Variants in ETFB observed in about 807,000 individuals in gnomAD.
The protein encoded by ETFB is beta-ETF.
ETFB carries 20 observed loss-of-function variants against 25.6 expected under a neutral mutation model. The observed-to-expected ratio is 0.78, with a 90% CI of 0.55 to 1.14. The LOEUF (loss-of-function observed/expected upper bound fraction) is 1.14. Ranked by LOEUF, ETFB falls within the 50% of genes most tolerant of loss-of-function variation. The pLI is 0.00. For missense variants in ETFB, 286 were observed against 342.6 expected (o/e 0.83, Z 1.30); for synonymous variants, 142 against 146.7 (o/e 0.97, Z 0.23).
intron 4 of ETFB, 111 bp from the exon 5 acceptor site, chr19:51,347,169 G>T (rs1164327316): frequency 4.5e-6 from 5 of 1,116,362 alleles, no homozygotes; most frequent in Non-Finnish European, 5.3e-6. Flanking sequence ...ATGAATGAGG[G>T]AGCGAACAAT....
At chr19:51,353,044 G>A in intron 3 of ETFB, 88 bp downstream of exon 3, 2 of 1,541,690 alleles carry the variant, frequency 1.3e-6, no homozygotes, top group Non-Finnish European at 1.8e-6. Context: ...CCTGGGCCTG[G>A]CCAGCTGCTG....
intron 4 of ETFB, 31 bp from the exon 5 acceptor site, chr19:51,347,089 G>C: frequency 6.2e-7 from 1 of 1,613,040 alleles, no homozygotes; most frequent in Non-Finnish European, 8.5e-7. Flanking sequence ...AGGAGAGTGG[G>C]TGAGGCTAAT....
intron 3 of ETFB, among the ~76,000 whole-genome samples, chr19:51,351,666 G>A (rs759185314): frequency 2.0e-5 from 3 of 152,152 alleles, no homozygotes; most frequent in East Asian, 3.9e-4. Flanking sequence ...TAGGCCCTTC[G>A]GCCACAGTTG....
chr19:51,360,317 A>G (rs11084070), intron 1 of ETFB, among the ~76,000 whole-genome samples: 44,572 of 151,030 alleles, frequency 0.3, 6,872 homozygotes, highest in South Asian at 0.45. Context: ...GAGGAGAATC[A>G]CTTGAACCCG....
chr19:51,354,336 G>A (rs1986019929), intron 1 of ETFB, 28 bp from the exon 2 acceptor site: 6 of 1,614,082 alleles, frequency 3.7e-6, no homozygotes, highest in East Asian at 4.5e-5. Context: ...AAGGGGTGGG[G>A]TCAGGAGGAA....
At chr19:51,364,020 T>C (rs1309622782) in intron 1 of ETFB, among the ~76,000 whole-genome samples, 1 of 152,108 alleles carries the variant, frequency 6.6e-6, no homozygotes, top group Non-Finnish European at 1.5e-5. Flanking sequence ...GACTCTGTCC[T>C]GAGGGTGCTG....
chr19:51,347,521 G>A (rs1380099749), intron 4 of ETFB: 3 of 197,998 alleles, frequency 1.5e-5, no homozygotes, highest in Admixed American at 5.3e-5. Flanking sequence ...ACGGCCCCCC[G>A]TGAGGCCCCT....
chr19:51,347,156 T>G, intron 4 of ETFB, 98 bp from the exon 5 acceptor site: 1 of 1,230,694 alleles, frequency 8.1e-7, no homozygotes, highest in Non-Finnish European at 1.2e-6. Context: ...CATGGACTAG[T>G]GAATGAATGA....
rs748162444 is a variant in ETFB at position 51,346,921 on chromosome 19, G to A, written c.576C>T (p.Tyr192=). ...TADLRLNEPR[Y]ATLPNIMKAK... is the part of the protein sequence containing the mutation. ...TCACCATGATGTTGGGCAGCGTGGC[G>A]TAGCGGGGCTCGTTGAGCCTCAGGT... Residue 192 remains tyrosine (Y), a synonymous_variant, in exon 5 of 6, where the codon TAC becomes TAT. Transcript: ENST00000309244. 62 of 1,562,872 alleles carry A rather than the reference G, an allele frequency of 4.0e-5. No individual in the cohort carries two copies. The highest frequency in any genetic ancestry group is 4.6e-5 in the Non-Finnish European group (53 of 1,153,566).
rs111454736 is a variant in ETFB, at chr19:51,366,384, G to A, written c.-58C>T. 0.025 allele frequency: 38,916 copies of A among 1,526,600 alleles called. 585 individuals are homozygous for A. Among genetic ancestry groups the A allele is most frequent in the Non-Finnish European group, 0.03 (33,314 of 1,120,456 alleles). 94.6% of individuals were successfully genotyped at this position (1,526,600 alleles called of 1,614,324 possible). A position where few individuals can be genotyped will look rare whatever the true frequency, so the allele number is the denominator to read the frequency against. Reference sequence around the variant, plus strand: ...GCACCCTCAGCGGCTCAGTCCAGAAGCCCCACCACCCCCGCCCCCCGCGCC... The same window carrying A: ...GCACCCTCAGCGGCTCAGTCCAGAAACCCCACCACCCCCGCCCCCCGCGCC... On this transcript the variant is annotated 5_prime_UTR_variant, in exon 1 of 6. Transcript: ENST00000309244.
intron 1 of ETFB, chr19:51,361,616 C>T (rs1986229229): frequency 6.6e-6 from 1 of 151,770 alleles, no homozygotes; most frequent in South Asian, 2.1e-4. Context: ...GTTTTCTGGG[C>T]CTGGAGTTTC....
rs755291156 is a variant in ETFB, at chr19:51,347,078, G to C, written c.439-20C>G. The C allele has an allele frequency of 3.7e-6, 6 of 1,613,650 alleles. No homozygotes were observed. In the Admixed American group the frequency reaches 1.0e-4, roughly 27 times the overall value. On this transcript the variant is annotated intron_variant, in intron 4 of 5. Transcript: ENST00000309244. ...TGTGCCCTGGGGAGGGACAGTGTAG[G>C]AGGAGAGTGGGTGAGGCTAATTCAG...
rs1425665003 is a variant in ETFB at position 51,350,341 on chromosome 19, A to G, written c.426T>C (p.Leu142=). Residue 142 remains leucine (L), a synonymous_variant, in exon 4 of 6, where the codon CTT becomes CTC. Coordinates refer to ENST00000309244, the MANE Select transcript of ETFB (RefSeq NM_001985.3). ...ACTCCAGTCTCACCTGTGGCCAGTCAAGAAATCCAGCTGTCATCTGCCCTG... is the reference window on the plus strand; with the variant it reads ...ACTCCAGTCTCACCTGTGGCCAGTCGAGAAATCCAGCTGTCATCTGCCCTG... The part of the protein sequence containing the change: ...NQTGQMTAGF[L]DWPQGTFASQ... 3.1e-6 allele frequency: 5 copies of G among 1,610,940 alleles called. No individual in the cohort carries two copies. The highest frequency in any genetic ancestry group is 4.2e-6 in the Non-Finnish European group (5 of 1,178,746).
chr19:51,345,430 C>T lies in ETFB; in HGVS notation c.598-49G>A, dbSNP rs781060040. The T allele has an allele frequency of 6.3e-6, 10 of 1,586,206 alleles. No homozygotes were observed. The Admixed American group carries it at 1.7e-4, about 27-fold the overall frequency. Reference sequence around the variant, plus strand: ...ACAGGGCTGTGGAACTCCTGCCACCCTTCCTGCCACCTCCTTCCCATGGGT... The same window carrying T: ...ACAGGGCTGTGGAACTCCTGCCACCTTTCCTGCCACCTCCTTCCCATGGGT... On this transcript the variant is annotated intron_variant, in intron 5 of 5. Transcript: ENST00000309244.
intron 1 of ETFB, chr19:51,354,661 A>G: frequency 6.2e-7 from 1 of 1,609,028 alleles, no homozygotes; most frequent in Non-Finnish European, 8.5e-7. Flanking sequence ...CCAAGTGTAT[A>G]TAAATACATA....
intron 3 of ETFB, among the ~76,000 whole-genome samples, chr19:51,351,795 C>T (rs752664593): frequency 3.3e-5 from 5 of 152,120 alleles, no homozygotes; most frequent in Non-Finnish European, 7.4e-5. Flanking sequence ...CCTCTTTGTC[C>T]CAGAACTGAC....
intron 1 of ETFB, 171 bp from the exon 2 acceptor site, chr19:51,354,479 G>A: frequency 6.2e-7 from 1 of 1,614,110 alleles, no homozygotes; most frequent in Middle Eastern, 1.6e-4. Context: ...GAGTTTGTAG[G>A]CAGGGGCAGG....
intron 3 of ETFB, 88 bp downstream of exon 3, chr19:51,353,044 G>T: frequency 1.3e-6 from 2 of 1,541,692 alleles, no homozygotes; most frequent in Non-Finnish European, 1.8e-6. Context: ...CCTGGGCCTG[G>T]CCAGCTGCTG....
Position 51,354,267 on chromosome 19 carries a change from A to G in ETFB, c.99T>C (p.Gly33=), listed in dbSNP as rs2123591146. The change falls in exon 2 of 6, where the codon GGT becomes GGC. Residue 33 remains glycine, a synonymous_variant. Coordinates refer to ENST00000309244, the MANE Select transcript of ETFB (RefSeq NM_001985.3). ...AGAAGGGGTTCATGGAGTGCTTCAC[A>G]CCATCCGTGACCACACCGGTCCTGT... is the stretch of plus-strand genomic sequence containing the variant. ...KPDRTGVVTD[G]VKHSMNPFCE... is the part of the protein sequence containing the mutation. 3.1e-6 allele frequency: 5 copies of G among 1,614,018 alleles called. No individual in the cohort carries two copies. Among genetic ancestry groups the G allele is most frequent in the African/African-American group, 1.3e-5 (1 of 74,992 alleles).
Sources: gnomAD v4.1 joint callset for allele counts (sites outside exome capture counted in the v4.1 genomes callset) on GRCh38, gnomAD v4.1.1 for gene constraint, MANE v1.5 for transcripts, NCBI Gene and HGNC (gene_info 2026-07-23, HGNC 2026-07-21) for gene names.